Variants in CLASP2 observed in about 807,000 individuals in gnomAD.
CLASP2 encodes cytoplasmic linker associated protein 2.
Under a neutral mutation model 194.4 loss-of-function variants are expected in CLASP2, and 47 were observed. That is an observed-to-expected ratio of 0.24 (90% CI 0.19 to 0.31). CLASP2 has a LOEUF of 0.31. CLASP2 is among the 10% of genes least tolerant of loss of function. The pLI, the probability that CLASP2 is intolerant of heterozygous loss-of-function variation, is 1.00. For synonymous variants in CLASP2, 619 were observed against 633.5 expected (o/e 0.98, Z 0.34); for missense variants, 1,445 against 1,823.6 (o/e 0.79, Z 3.78).
chr3:33,637,447 T>A (rs923180238), intron 8 of CLASP2, among the ~76,000 whole-genome samples: 8 of 152,016 alleles, frequency 5.3e-5, no homozygotes, highest in African/African-American at 1.9e-4. Context: ...GGCAGGAGAA[T>A]CGCTTGAACC....
intron 1 of CLASP2, among the ~76,000 whole-genome samples, chr3:33,702,148 T>C (rs1350583467): frequency 6.6e-6 from 1 of 152,176 alleles, no homozygotes; most frequent in Non-Finnish European, 1.5e-5. Flanking sequence ...CTAAAATTCA[T>C]ATGAAAATTC....
At chr3:33,580,147 T>C (rs894036262) in intron 23 of CLASP2, among the ~76,000 whole-genome samples, 4 of 152,204 alleles carry the variant, frequency 2.6e-5, no homozygotes, top group African/African-American at 9.6e-5. Flanking sequence ...CACCTGGGGC[T>C]GGAACACAAA....
At chr3:33,590,128 T>C (rs2068386822) in intron 21 of CLASP2, among the ~76,000 whole-genome samples, 1 of 152,198 alleles carries the variant, frequency 6.6e-6, no homozygotes, top group Non-Finnish European at 1.5e-5. Context: ...ACAATTTTAT[T>C]AGCCAACATA....
intron 29 of CLASP2, among the ~76,000 whole-genome samples, chr3:33,554,274 T>G (rs1270288631): frequency 2.0e-5 from 3 of 151,262 alleles, no homozygotes; most frequent in African/African-American, 7.3e-5. Context: ...TATCAATGGT[T>G]GTAAAGATAA....
chr3:33,562,766 C>A (rs531923103), intron 27 of CLASP2, among the ~76,000 whole-genome samples: 1 of 152,242 alleles, frequency 6.6e-6, no homozygotes, highest in East Asian at 1.9e-4. Flanking sequence ...CATTAGAATG[C>A]CTAGGTCAAC....
chr3:33,608,744 C>CTTTTT (rs766687478), intron 13 of CLASP2, 118 bp from the exon 14 acceptor site: 29 of 159,830 alleles, frequency 1.8e-4, no homozygotes, highest in African/African-American at 2.7e-4. Flanking sequence ...TTTTAGATAT[C>CTTTTT]TTTTTTTTTT....
intron 23 of CLASP2, chr3:33,577,059 G>GA (rs11391504): frequency 0.96 from 574,287 of 596,690 alleles, 275,976 homozygotes; most frequent in African/African-American, 0.99. Flanking sequence ...TGGGAGAAAA[G>GA]AAAAAAAAAG....
intron 25 of CLASP2, 149 bp from the exon 26 acceptor site, chr3:33,570,939 G>T: frequency 1.5e-6 from 1 of 646,330 alleles, no homozygotes; most frequent in Non-Finnish European, 2.5e-6. Context: ...ATTTTGGGAG[G>T]CTGAGGTGAG....
At chr3:33,640,293 GA>G (rs1241044672) in intron 8 of CLASP2, among the ~76,000 whole-genome samples, 1 of 152,100 alleles carries the variant, frequency 6.6e-6, no homozygotes, top group African/African-American at 2.4e-5. Context: ...TGCATGATGG[GA>G]AAAATGGGAA....
intron 6 of CLASP2, among the ~76,000 whole-genome samples, chr3:33,678,137 G>A: frequency 6.6e-6 from 1 of 151,840 alleles, no homozygotes; most frequent in Non-Finnish European, 1.5e-5. Flanking sequence ...TATAAAAGAT[G>A]GAACATACAT....
chr3:33,631,109 A>G (rs1282006112), intron 9 of CLASP2, among the ~76,000 whole-genome samples: 1 of 152,212 alleles, frequency 6.6e-6, no homozygotes, highest in Non-Finnish European at 1.5e-5. Flanking sequence ...TAATACAGGC[A>G]ATAGAAGGTA....
chr3:33,547,705 G>A (rs550913235), intron 30 of CLASP2, among the ~76,000 whole-genome samples: 1 of 151,942 alleles, frequency 6.6e-6, no homozygotes, highest in African/African-American at 2.4e-5. Flanking sequence ...AATGTGTGAA[G>A]AATTGATATT....
At chr3:33,550,627 T>A (rs530991470) in intron 30 of CLASP2, among the ~76,000 whole-genome samples, 2 of 151,808 alleles carry the variant, frequency 1.3e-5, no homozygotes, top group African/African-American at 4.8e-5. Flanking sequence ...AGCAGAGATG[T>A]TGAAAATATT....
chr3:33,635,906 A>G (rs968670437), intron 8 of CLASP2, among the ~76,000 whole-genome samples: 2 of 152,178 alleles, frequency 1.3e-5, no homozygotes, highest in African/African-American at 4.8e-5. Flanking sequence ...TAACACTTCA[A>G]ATTTCATTTC....
chr3:33,717,114 A>G (rs1208990665), intron 1 of CLASP2, among the ~76,000 whole-genome samples: 1 of 152,172 alleles, frequency 6.6e-6, no homozygotes, highest in Non-Finnish European at 1.5e-5. Flanking sequence ...TCATCTTTGT[A>G]ACTTTTTCCC....
rs1027731514 is a variant in CLASP2 at position 33,571,015 on chromosome 3, A to ATTTTTTTTTTTTTTTTT, written c.2700-242_2700-226dup. On this transcript the variant is annotated intron_variant, in intron 25 of 38. Coordinates refer to ENST00000682230, the MANE Select transcript of CLASP2 (RefSeq NM_001365631.1). ...AGATGGCAAGATCCTGTCTCTATAA[A>ATTTTTTTTTTTTTTTTT]TTTTTTTTTTTTTTTTTTGAGACGG... Among the ~76,000 whole-genome samples, 89 of 123,898 alleles carry ATTTTTTTTTTTTTTTTT rather than the reference A, an allele frequency of 7.2e-4. 6 individuals are homozygous for ATTTTTTTTTTTTTTTTT. Among genetic ancestry groups the ATTTTTTTTTTTTTTTTT allele is most frequent in the Admixed American group, 1.9e-3 (20 of 10,764 alleles). 81.3% of individuals were successfully genotyped at this position (123,898 alleles called of 152,430 possible). A position where few individuals can be genotyped will look rare whatever the true frequency, so the allele number is the denominator to read the frequency against.
At chr3:33,710,386 C>T (rs1021175904) in intron 1 of CLASP2, among the ~76,000 whole-genome samples, 3 of 151,910 alleles carry the variant, frequency 2.0e-5, no homozygotes, top group African/African-American at 7.3e-5. Context: ...ATCAATATAC[C>T]AAATGCCATT....
At chr3:33,566,119 G>A (rs1363294189) in intron 27 of CLASP2, among the ~76,000 whole-genome samples, 2 of 152,080 alleles carry the variant, frequency 1.3e-5, no homozygotes, top group Non-Finnish European at 2.9e-5. Flanking sequence ...TAACACAAAG[G>A]GTTCTTGTCA....
At chr3:33,696,228 T>C (rs1273798323) in intron 2 of CLASP2, among the ~76,000 whole-genome samples, 1 of 151,792 alleles carries the variant, frequency 6.6e-6, no homozygotes, top group African/African-American at 2.4e-5. Context: ...GTCTGCAACA[T>C]GCTGGCAATG....
Sources: gnomAD v4.1 joint callset for allele counts (sites outside exome capture counted in the v4.1 genomes callset) on GRCh38, gnomAD v4.1.1 for gene constraint, MANE v1.5 for transcripts, NCBI Gene and HGNC (gene_info 2026-07-23, HGNC 2026-07-21) for gene names.